The following TENM2 variants were observed in gnomAD, a reference collection of about 807,000 sequenced individuals.
TENM2 encodes the protein teneurin-2.
Under a neutral mutation model 245.2 loss-of-function variants are expected in TENM2, and 52 were observed. The observed-to-expected ratio is 0.21, with a 90% CI of 0.17 to 0.27. The LOEUF is 0.27. Among genes scored for constraint, TENM2 ranks in the 10% least tolerant of loss-of-function variants. TENM2 has a pLI of 1.00. For missense variants in TENM2, 3,046 were observed against 3,666.8 expected (o/e 0.83, Z 4.37); for synonymous variants, 1,363 against 1,438.9 (o/e 0.95, Z 1.19).
intron 5 of TENM2, among the ~76,000 whole-genome samples, chr5:168,005,011 A>G (rs1248416593): frequency 6.6e-6 from 1 of 152,074 alleles, no homozygotes; most frequent in African/African-American, 2.4e-5. Flanking sequence ...GGTGCTGCCT[A>G]AGGTCTCATG....
At chr5:167,469,743 G>T (rs1450019115) in intron 2 of TENM2, among the ~76,000 whole-genome samples, 1 of 150,370 alleles carries the variant, frequency 6.7e-6, no homozygotes, top group Non-Finnish European at 1.5e-5. Flanking sequence ...TTTTTTTTCA[G>T]AAAAATAAGA....
chr5:167,718,458 C>A (rs1759411495), intron 2 of TENM2, among the ~76,000 whole-genome samples: 2 of 152,108 alleles, frequency 1.3e-5, no homozygotes, highest in Admixed American at 6.5e-5. Context: ...TCCCTGGAGA[C>A]AATGTACGTG....
chr5:167,777,837 G>A (rs1487002216), intron 2 of TENM2, among the ~76,000 whole-genome samples: 3 of 152,170 alleles, frequency 2.0e-5, no homozygotes, highest in South Asian at 4.1e-4. Flanking sequence ...AAAAAAAAAT[G>A]CAAGTAAGTA....
the TENM2 span, among the ~76,000 whole-genome samples, chr5:167,171,941 G>A: frequency 6.6e-6 from 1 of 152,124 alleles, no homozygotes. Context: ...CTTTTTAAAG[G>A]CTTATTTTCA....
chr5:167,783,153 T>C (rs78530259), intron 2 of TENM2, among the ~76,000 whole-genome samples: 1,797 of 150,390 alleles, frequency 0.012, 37 homozygotes, highest in African/African-American at 0.042. Flanking sequence ...GAAACATTGA[T>C]TGGCTTCAAC....
chr5:167,232,944 G>C, the TENM2 span, among the ~76,000 whole-genome samples: 1 of 152,174 alleles, frequency 6.6e-6, no homozygotes, highest in Non-Finnish European at 1.5e-5. Flanking sequence ...AAAGCAATTT[G>C]CTATGTGCTG....
intron 2 of TENM2, among the ~76,000 whole-genome samples, chr5:167,493,678 G>T (rs1451018565): frequency 1.3e-5 from 2 of 152,116 alleles, no homozygotes; most frequent in Non-Finnish European, 2.9e-5. Context: ...AATTTAGTCA[G>T]TGAGAAAGTA....
chr5:167,464,073 A>G (rs1766494388), intron 2 of TENM2, among the ~76,000 whole-genome samples: 1 of 152,328 alleles, frequency 6.6e-6, no homozygotes, highest in African/African-American at 2.4e-5. Flanking sequence ...AATGGGAACC[A>G]GAGCTGCCTC....
Position 168,247,815 on chromosome 5 carries a change from G to C in TENM2, c.6876G>C (p.Lys2292Asn). The change falls in exon 27 of 29, where the codon AAG becomes AAC. Residue 2292 changes from lysine (K) to asparagine (N), a missense_variant. Physicochemically the swap from Lys to Asn is moderately conservative, Grantham distance 94. Around this residue, in one of 2 missense-constraint regions of TENM2, gnomAD observed 2,704 missense variants for 3,331.9 expected, o/e 0.81. Transcript: ENST00000518659. The surrounding 1 kb of genome is among the most constrained non-coding windows in gnomAD (Gnocchi z 7.8). ...GCCTCCTAACAAGAGCCTACAACAA[G>C]GCCAGCGGGTGGAGTGTCCAGTACC... The C allele has an allele frequency of 6.2e-7, 1 of 1,613,996 alleles. No individual in the cohort carries two copies. Among genetic ancestry groups the C allele is most frequent in the Non-Finnish European group, 8.5e-7 (1 of 1,179,870 alleles).
the TENM2 span, among the ~76,000 whole-genome samples, chr5:167,187,408 A>G: frequency 6.6e-6 from 1 of 152,204 alleles, no homozygotes; most frequent in Non-Finnish European, 1.5e-5. Context: ...AATGACAGGT[A>G]TATTTTAAGG....
At chr5:167,101,849 T>TTTTATATATATATATATATATA in the TENM2 span, among the ~76,000 whole-genome samples, 41 of 69,432 alleles carry the variant, frequency 5.9e-4, no homozygotes, top group Middle Eastern at 8.9e-3. Context: ...ATATATATAT[T>TTTTATATATATATATATATATA]TATATATATA....
chr5:168,225,184 G>A (rs1764044225), intron 23 of TENM2, among the ~76,000 whole-genome samples: 1 of 152,104 alleles, frequency 6.6e-6, no homozygotes, highest in Admixed American at 6.5e-5. Context: ...CGGTTTAGTG[G>A]GGACCAAAGA....
chr5:168,157,919 G>T (rs545041251), intron 12 of TENM2, among the ~76,000 whole-genome samples: 1 of 151,952 alleles, frequency 6.6e-6, no homozygotes, highest in East Asian at 1.9e-4. Context: ...GTTGTTGTTG[G>T]TGTTGTTGTT....
chr5:167,265,151 C>T, the TENM2 span, among the ~76,000 whole-genome samples: 13 of 151,370 alleles, frequency 8.6e-5, no homozygotes, highest in African/African-American at 1.5e-4. Context: ...CATGGTGAAA[C>T]CCCGTCTCTA....
At chr5:167,517,795 A>G (rs1770481042) in intron 2 of TENM2, among the ~76,000 whole-genome samples, 1 of 152,214 alleles carries the variant, frequency 6.6e-6, no homozygotes, top group Non-Finnish European at 1.5e-5. Context: ...CTAGCAGTCA[A>G]CTGACTTCTG....
At chr5:167,379,314 T>G (rs977665021) in intron 2 of TENM2, among the ~76,000 whole-genome samples, 5 of 152,008 alleles carry the variant, frequency 3.3e-5, no homozygotes, top group Admixed American at 2.0e-4. Flanking sequence ...CTCGGCAGAG[T>G]TCCAACACAC....
At chr5:168,259,306 G>C (rs1481782788) in intron 27 of TENM2, among the ~76,000 whole-genome samples, 4 of 152,042 alleles carry the variant, frequency 2.6e-5, no homozygotes, top group African/African-American at 4.8e-5. Context: ...AGGAAGGCTG[G>C]GCCGGGCACG....
chr5:167,231,834 T>C, the TENM2 span, among the ~76,000 whole-genome samples: 2 of 151,910 alleles, frequency 1.3e-5, no homozygotes, highest in South Asian at 2.1e-4. Flanking sequence ...GTCAGAGATC[T>C]TCACAGGCCT....
At chr5:167,421,291 G>A (rs1172583172) in intron 2 of TENM2, among the ~76,000 whole-genome samples, 1 of 152,138 alleles carries the variant, frequency 6.6e-6, no homozygotes, top group Admixed American at 6.6e-5. Flanking sequence ...AATATTAATG[G>A]TTGTTTTGCA....
Sources: allele counts gnomAD v4.1 joint callset (sites outside exome capture counted in the v4.1 genomes callset), GRCh38; gene constraint gnomAD v4.1.1; regional missense constraint gnomAD v4.1.1; non-coding constraint Gnocchi (gnomAD v3.1); transcripts MANE v1.5; gene names NCBI Gene and HGNC (gene_info 2026-07-23, HGNC 2026-07-21).